The following HOXA3 variants were observed in gnomAD, a reference collection of about 807,000 sequenced individuals.
The protein encoded by HOXA3 is homeobox protein Hox-A3.
A neutral mutation model predicts 30.3 loss-of-function variants in HOXA3; 8 were observed. That is an observed-to-expected ratio of 0.26 (90% CI 0.15 to 0.48). The LOEUF is 0.48. Among genes scored for constraint, HOXA3 ranks in the 20% least tolerant of loss-of-function variants. The pLI is 0.99. For missense variants in HOXA3, 653 were observed against 614.4 expected, an observed-to-expected ratio of 1.06 and a Z score of -0.66; for synonymous variants, 323 against 273.1, an observed-to-expected ratio of 1.18 and a Z score of -1.80.
chr7:27,114,184 C>T (rs1045071608), intron 4 of HOXA3, among the ~76,000 whole-genome samples: 2 of 151,596 alleles, frequency 1.3e-5, no homozygotes, highest in Non-Finnish European at 2.9e-5. Flanking sequence ...AGGGCAGCCT[C>T]CCCCCACCCC....
At chr7:27,149,658 C>T (rs1359763689) in intron 1 of HOXA3, among the ~76,000 whole-genome samples, 5 of 152,174 alleles carry the variant, frequency 3.3e-5, no homozygotes, top group African/African-American at 1.2e-4. Context: ...AAAGCAGGGC[C>T]TCGAATGAGA....
chr7:27,114,744 T>TACACACACACACAC (rs70994629), intron 4 of HOXA3, among the ~76,000 whole-genome samples: 22,888 of 93,278 alleles, frequency 0.25, 4,020 homozygotes, highest in South Asian at 0.36. Flanking sequence ...ACCGACATCA[T>TACACACACACACAC]ACACACACAC....
intron 2 of HOXA3, chr7:27,130,071 G>T: frequency 6.5e-7 from 1 of 1,543,544 alleles, no homozygotes; most frequent in Middle Eastern, 1.7e-4. Flanking sequence ...TCGAACCCAG[G>T]CCCAGCCCCG....
At chr7:27,151,807 C>T (rs146378191) in intron 1 of HOXA3, 139 of 398,156 alleles carry the variant, frequency 3.5e-4, no homozygotes, top group African/African-American at 2.7e-3. Context: ...CTCTTCCCAC[C>T]TTCCCAGGTC....
intron 4 of HOXA3, among the ~76,000 whole-genome samples, chr7:27,119,991 G>C (rs577775347): frequency 1.8e-4 from 27 of 152,234 alleles, no homozygotes; most frequent in African/African-American, 6.0e-4. Flanking sequence ...TTGGGGGATA[G>C]AGGACAGGAG....
chr7:27,131,933 G>C (rs1158987522), intron 2 of HOXA3, among the ~76,000 whole-genome samples: 2 of 152,178 alleles, frequency 1.3e-5, no homozygotes, highest in Non-Finnish European at 2.9e-5. Context: ...CAGAAGCTCC[G>C]GAAAGGAGGG....
chr7:27,138,432 A>C (rs1218619912), intron 2 of HOXA3, among the ~76,000 whole-genome samples: 1 of 152,228 alleles, frequency 6.6e-6, no homozygotes, highest in African/African-American at 2.4e-5. Flanking sequence ...TTAAGCACTT[A>C]ATAGGTATCT....
chr7:27,144,909 G>A (rs1400518372), intron 1 of HOXA3, among the ~76,000 whole-genome samples: 1 of 152,230 alleles, frequency 6.6e-6, no homozygotes, highest in Non-Finnish European at 1.5e-5. Flanking sequence ...GAACGCTGCT[G>A]TGGCGGCGAC....
intron 1 of HOXA3, among the ~76,000 whole-genome samples, chr7:27,148,126 CG>C (rs928356674): frequency 1.8e-4 from 28 of 152,256 alleles, no homozygotes; most frequent in African/African-American, 5.5e-4. Flanking sequence ...TCAAAGGCCC[CG>C]CCAGGTCCCC....
chr7:27,147,419 A>G, intron 1 of HOXA3: 1 of 1,613,996 alleles, frequency 6.2e-7, no homozygotes, highest in Non-Finnish European at 8.5e-7. Context: ...TCGGGTTTGT[A>G]CTGCTGCTCG....
At chr7:27,132,671 C>G (rs1785595683) in intron 2 of HOXA3, among the ~76,000 whole-genome samples, 1 of 152,160 alleles carries the variant, frequency 6.6e-6, no homozygotes, top group Non-Finnish European at 1.5e-5. Context: ...GCCATCCTCT[C>G]TAGACTGGAG....
chr7:27,145,486 TG>T (rs1782725255), intron 1 of HOXA3: 11 of 773,222 alleles, frequency 1.4e-5, no homozygotes, highest in African/African-American at 4.6e-5. Flanking sequence ...TGTTTTGTTT[TG>T]TTTTGTTTTG....
At chr7:27,110,908 T>TA (rs1784336296) in intron 4 of HOXA3, 148 bp from the exon 5 acceptor site, 1 of 451,882 alleles carries the variant, frequency 2.2e-6, no homozygotes, top group Non-Finnish European at 3.9e-6. Flanking sequence ...AGCCGTGCTA[T>TA]AAAAAACCGC....
chr7:27,135,862 T>G (rs1785694570), intron 2 of HOXA3, among the ~76,000 whole-genome samples: 1 of 152,204 alleles, frequency 6.6e-6, no homozygotes, highest in African/African-American at 2.4e-5. Flanking sequence ...GTTTCAGTAA[T>G]CTATGCCTAT....
Position 27,152,472 on chromosome 7 carries a change from C to T in HOXA3, c.-678G>A. Reference sequence around the variant, plus strand: ...CCAATCTCCAGCGGGAGCCGCCAGGCCTGGCCTGGCCGGGGCTTCCCTTCG... The same window carrying T: ...CCAATCTCCAGCGGGAGCCGCCAGGTCTGGCCTGGCCGGGGCTTCCCTTCG... On this transcript the variant is annotated 5_prime_UTR_variant, in exon 1 of 6. Transcript: ENST00000612286. 8.6e-7 allele frequency: 1 copy of T among 1,164,538 alleles called. No individual in the cohort carries two copies. 72.1% of individuals were successfully genotyped at this position (1,164,538 alleles called of 1,614,324 possible).
chr7:27,147,305 T>TA (rs1782802599), intron 1 of HOXA3: 1 of 1,612,586 alleles, frequency 6.2e-7, no homozygotes. Context: ...GGATATGTCT[T>TA]ACCCGCGCAG....
chr7:27,143,028 G>C, intron 1 of HOXA3: 1 of 1,498,858 alleles, frequency 6.7e-7, no homozygotes, highest in Non-Finnish European at 8.9e-7. Flanking sequence ...CGTGGATTTA[G>C]AAAAAGGCTG....
chr7:27,140,345 T>G (rs1782522447), intron 1 of HOXA3, 159 bp from the exon 2 acceptor site: 1 of 152,228 alleles, frequency 6.6e-6, no homozygotes, highest in South Asian at 2.1e-4. Context: ...TGGATGATTT[T>G]ACGATCTAAT....
intron 2 of HOXA3, chr7:27,130,944 C>T (rs1274028022): frequency 6.6e-6 from 4 of 602,234 alleles, no homozygotes; most frequent in Non-Finnish European, 1.2e-5. Flanking sequence ...GCGCCCCGCC[C>T]CGTGCCCCAC....
Sources: gnomAD v4.1 joint callset for allele counts (sites outside exome capture counted in the v4.1 genomes callset) on GRCh38, gnomAD v4.1.1 for gene constraint, MANE v1.5 for transcripts, NCBI Gene and HGNC (gene_info 2026-07-23, HGNC 2026-07-21) for gene names.